ADPRHL1: variants seen among roughly 807,000 people sequenced by gnomAD.
ADPRHL1 encodes ADP-ribosylhydrolase like 1, also known as inactive ADP-ribosyltransferase ARH2.
ADPRHL1 carries 43 observed loss-of-function variants against 44.1 expected under a neutral mutation model. The observed-to-expected ratio is 0.98, with a 90% CI of 0.76 to 1.26. The LOEUF is 1.26. Ranked by LOEUF, ADPRHL1 falls within the 50% of genes most tolerant of loss-of-function variation. The pLI is 0.00. For missense variants in ADPRHL1, 2,022 were observed against 2,496.9 expected (o/e 0.81, Z 4.05); for synonymous variants, 878 against 1,017.4 (o/e 0.86, Z 2.61).
intron 5 of ADPRHL1, 116 bp downstream of exon 5, chr13:113,424,936 A>T: frequency 7.8e-7 from 1 of 1,274,446 alleles, no homozygotes; most frequent in African/African-American, 1.6e-5. Flanking sequence ...CCATCTATCC[A>T]TCCATCTATC....
chr13:113,446,954 G>A (rs926185117), intron 1 of ADPRHL1, among the ~76,000 whole-genome samples: 5 of 142,894 alleles, frequency 3.5e-5, no homozygotes, highest in Non-Finnish European at 7.5e-5. Context: ...CTACACTCAC[G>A]GTGTTGTGTG....
chr13:113,422,960 G>C lies in ADPRHL1; in HGVS notation c.927C>G (p.Gly309=). 1 of 1,612,860 alleles carries C rather than the reference G, an allele frequency of 6.2e-7. No individual in the cohort carries two copies. The highest frequency in any genetic ancestry group is 8.5e-7 in the Non-Finnish European group (1 of 1,179,974). Residue 309 remains glycine (G), a synonymous_variant, in exon 7 of 8, where the codon GGC becomes GGG. Transcript: ENST00000612156. ...ACCCGAACAGGCAGCCTGCAATGGTGCCCGTGGCCGCGCTCTCCCCTGAAA... is the reference window on the plus strand; with the variant it reads ...ACCCGAACAGGCAGCCTGCAATGGTCCCCGTGGCCGCGCTCTCCCCTGAAA... The part of the protein sequence containing the change: ...MFHGGESAAT[G]TIAGCLFGLL...
intron 7 of ADPRHL1, among the ~76,000 whole-genome samples, chr13:113,412,069 T>G (rs2043856204): frequency 6.6e-6 from 1 of 152,220 alleles, no homozygotes; most frequent in Non-Finnish European, 1.5e-5. Context: ...TACTCCCGGC[T>G]CAGCATGTTC....
At chr13:113,439,936 C>T (rs1473102834) in intron 2 of ADPRHL1, among the ~76,000 whole-genome samples, 1 of 152,102 alleles carries the variant, frequency 6.6e-6, no homozygotes, top group African/African-American at 2.4e-5. Flanking sequence ...GATTTTACTC[C>T]TCTCGTTCAT....
intron 7 of ADPRHL1, among the ~76,000 whole-genome samples, chr13:113,421,124 C>T (rs2043916284): frequency 7.2e-6 from 1 of 138,242 alleles, no homozygotes; most frequent in Non-Finnish European, 1.6e-5. Context: ...ATCCCCAGGA[C>T]AGACCCACCC....
intron 6 of ADPRHL1, among the ~76,000 whole-genome samples, chr13:113,423,705 C>T (rs114077456): frequency 0.044 from 6,730 of 152,330 alleles, 194 homozygotes; most frequent in African/African-American, 0.082. Context: ...TGGCCAGAGA[C>T]GGCCAGGGCG....
rs1483314485 is a variant in ADPRHL1 at position 113,451,411 on chromosome 13, C to T, written c.214+1813G>A. On this transcript the variant is annotated intron_variant, in intron 1 of 7. Coordinates refer to ENST00000612156, the MANE Select transcript of ADPRHL1 (RefSeq NM_001394807.1). Reference sequence around the variant, plus strand: ...GCAATTCCAGGGGTGATCTTGGATGCGTATTTTCTCATGACCCACAAACTA... The same window carrying T: ...GCAATTCCAGGGGTGATCTTGGATGTGTATTTTCTCATGACCCACAAACTA... Among the ~76,000 whole-genome samples the T allele has an allele frequency of 5.9e-5, 9 of 152,212 alleles. No homozygotes were observed. In the South Asian group the frequency reaches 1.0e-3, roughly 18 times the overall value.
chr13:113,437,714 G>C (rs2139641346), intron 2 of ADPRHL1, among the ~76,000 whole-genome samples: 1 of 152,348 alleles, frequency 6.6e-6, no homozygotes, highest in East Asian at 1.9e-4. Context: ...CCTGCAGTTT[G>C]GGCTGTGTCC....
chr13:113,439,213 C>A (rs975019429), intron 2 of ADPRHL1, among the ~76,000 whole-genome samples: 2 of 152,058 alleles, frequency 1.3e-5, no homozygotes, highest in Non-Finnish European at 2.9e-5. Flanking sequence ...ACCTCCGCCT[C>A]CCGGGTTCAA....
In ADPRHL1 at chr13:113,422,958, G is replaced by T; in HGVS notation, c.929C>A (p.Thr310Asn). The change falls in exon 7 of 8, where the codon ACC (threonine) becomes AAC (asparagine). Residue 310 changes from threonine to asparagine, a missense_variant. Thr to Asn is a moderately conservative substitution (Grantham distance 65). Coordinates refer to ENST00000612156, the MANE Select transcript of ADPRHL1 (RefSeq NM_001394807.1). The part of the protein sequence containing the change: ...FHGGESAATG[T>N]IAGCLFGLLY... ...CAACCCGAACAGGCAGCCTGCAATG[G>T]TGCCCGTGGCCGCGCTCTCCCCTGA... is the stretch of plus-strand genomic sequence containing the variant. 6.2e-7 allele frequency: 1 copy of T among 1,612,872 alleles called. No individual in the cohort carries two copies. The highest frequency in any genetic ancestry group is 1.1e-5 in the South Asian group (1 of 91,090).
rs1388091921 is a variant in ADPRHL1 at position 113,435,319 on chromosome 13, C to T, written c.380-1452G>A. On this transcript the variant is annotated intron_variant, in intron 2 of 7. Coordinates refer to ENST00000612156, the MANE Select transcript of ADPRHL1 (RefSeq NM_001394807.1). ...TGTACCCTGTGACCCAGCACCCAGG[C>T]GTAGAGTGAATATAGGTGTAGCCCG... 5.2e-4 allele frequency among the ~76,000 whole-genome samples: 49 copies of T among 94,478 alleles called. 1 individual carries two copies. Among genetic ancestry groups the T allele is most frequent in the Non-Finnish European group, 9.1e-4 (44 of 48,192 alleles). 62.0% of individuals were successfully genotyped at this position (94,478 alleles called of 152,430 possible).
intron 3 of ADPRHL1, among the ~76,000 whole-genome samples, chr13:113,431,754 C>T (rs1001103349): frequency 5.3e-5 from 8 of 151,964 alleles, no homozygotes; most frequent in Admixed American, 4.6e-4. Context: ...CTGACTCTGT[C>T]GCCCAGGCTG....
At chr13:113,413,807 A>G (rs980666045) in intron 7 of ADPRHL1, among the ~76,000 whole-genome samples, 2 of 152,248 alleles carry the variant, frequency 1.3e-5, no homozygotes, top group African/African-American at 2.4e-5. Flanking sequence ...GACAAGCTGC[A>G]GAACCCACAG....
At chr13:113,426,430 A>T (rs989672326) in intron 4 of ADPRHL1, among the ~76,000 whole-genome samples, 2 of 152,252 alleles carry the variant, frequency 1.3e-5, no homozygotes, top group Non-Finnish European at 2.9e-5. Context: ...GACAGGGCAC[A>T]GATCCTGTCT....
At chr13:113,419,285 T>TG (rs2043904080) in intron 7 of ADPRHL1, among the ~76,000 whole-genome samples, 1 of 109,306 alleles carries the variant, frequency 9.1e-6, no homozygotes, top group South Asian at 3.3e-4. Flanking sequence ...TTTGTATTTT[T>TG]TTTTTTTTTT....
Position 113,408,098 on chromosome 13 carries a change from T to G in ADPRHL1, c.1184A>C (p.Tyr395Ser), listed in dbSNP as rs2043822976. 8.1e-7 allele frequency: 1 copy of G among 1,231,872 alleles called. No homozygotes were observed. The highest frequency in any genetic ancestry group is 1.0e-6 in the Non-Finnish European group (1 of 987,966). The allele number at this position is 1,231,872 out of a possible 1,614,324, so 76.3% of individuals were successfully genotyped here. The change falls in exon 8 of 8, where the codon TAC becomes TCC. Residue 395 changes from tyrosine (Y) to serine (S), a missense_variant. Tyr to Ser is a moderately radical substitution (Grantham distance 144, BLOSUM62 -2). Around this residue, in one of 8 missense-constraint regions of ADPRHL1, gnomAD observed 1,221 missense variants for 1,517.8 expected, o/e 0.80. Transcript: ENST00000612156. ...AHSILSSLLLYVTGRADRPPG... is the reference protein window; with the variant it reads ...AHSILSSLLLSVTGRADRPPG... ...GGGCCGGTCTGCGCGGCCCGTGACGTAGAGCAGCAGGCTGCTGAGGATGGA... is the reference window on the plus strand; with the variant it reads ...GGGCCGGTCTGCGCGGCCCGTGACGGAGAGCAGCAGGCTGCTGAGGATGGA...
chr13:113,429,031 C>G lies in ADPRHL1; in HGVS notation c.567G>C (p.Leu189=), dbSNP rs2139626519. ...FVSFAAQGKP[L]VQWGRDMLRA... ...GCAGCATGTCTCTCCCCCACTGGACCAGGGGCTTTCCTTGTGCGGCGAACG... is the reference window on the plus strand; with the variant it reads ...GCAGCATGTCTCTCCCCCACTGGACGAGGGGCTTTCCTTGTGCGGCGAACG... The change falls in exon 4 of 8, where the codon CTG becomes CTC. Residue 189 remains leucine (L), a synonymous_variant. Transcript: ENST00000612156. The G allele has an allele frequency of 6.2e-7, 1 of 1,612,842 alleles. No individual in the cohort carries two copies. The highest frequency in any genetic ancestry group is 8.5e-7 in the Non-Finnish European group (1 of 1,179,978).
At chr13:113,426,508 C>A (rs1241600593) in intron 4 of ADPRHL1, among the ~76,000 whole-genome samples, 2 of 152,218 alleles carry the variant, frequency 1.3e-5, no homozygotes, top group African/African-American at 2.4e-5. Context: ...GGGGAGGCTA[C>A]GCTCCTGCCA....
intron 3 of ADPRHL1, 41 bp from the exon 4 acceptor site, chr13:113,429,133 C>T (rs1409723140): frequency 1.3e-6 from 2 of 1,583,854 alleles, no homozygotes; most frequent in African/African-American, 2.7e-5. Flanking sequence ...ATCACCTGGG[C>T]CGCTTGGGAG....
Sources: allele counts gnomAD v4.1 joint callset (sites outside exome capture counted in the v4.1 genomes callset), GRCh38; gene constraint gnomAD v4.1.1; regional missense constraint gnomAD v4.1.1; transcripts MANE v1.5; gene names NCBI Gene and HGNC (gene_info 2026-07-23, HGNC 2026-07-21).